Variants in SEZ6L observed in about 807,000 individuals in gnomAD.
SEZ6L encodes seizure 6-like protein.
SEZ6L carries 37 observed loss-of-function variants against 106.2 expected under a neutral mutation model. The ratio of observed to expected loss-of-function variants is 0.35; its 90% CI spans 0.27 to 0.46. The LOEUF is 0.46. SEZ6L is among the 20% of genes least tolerant of loss of function. SEZ6L has a pLI of 1.00. For synonymous variants in SEZ6L, 541 were observed against 570.4 expected (o/e 0.95, Z 0.73); for missense variants, 1,172 against 1,332.8 (o/e 0.88, Z 1.88).
chr22:26,320,751 G>A (rs1382203305), intron 9 of SEZ6L, among the ~76,000 whole-genome samples: 1 of 152,170 alleles, frequency 6.6e-6, no homozygotes, highest in East Asian at 1.9e-4. Flanking sequence ...GAACAGTAAA[G>A]TCTAAGTCAG....
chr22:26,379,754 G>A (rs2084353880), intron 16 of SEZ6L, among the ~76,000 whole-genome samples: 1 of 152,214 alleles, frequency 6.6e-6, no homozygotes, highest in Non-Finnish European at 1.5e-5. Context: ...TGAAATAAAG[G>A]AGAATTTTAG....
intron 1 of SEZ6L, among the ~76,000 whole-genome samples, chr22:26,272,311 AT>A (rs1489437018): frequency 6.6e-6 from 1 of 152,254 alleles, no homozygotes; most frequent in African/African-American, 2.4e-5. Context: ...GTTACATTCA[AT>A]AAAAGTTTAT....
chr22:26,209,495 ATGG>A (rs2078081647), intron 1 of SEZ6L, among the ~76,000 whole-genome samples: 4 of 137,228 alleles, frequency 2.9e-5, no homozygotes, highest in Admixed American at 7.5e-5. Context: ...GGATGGATGG[ATGG>A]ATGGCAGGGA....
chr22:26,292,334 C>T (rs2081153448), intron 1 of SEZ6L, 72 bp from the exon 2 acceptor site: 2 of 1,287,698 alleles, frequency 1.6e-6, no homozygotes, highest in Non-Finnish European at 1.1e-6. Flanking sequence ...GGAGGGCCAC[C>T]CTCAGAGTCT....
intron 1 of SEZ6L, among the ~76,000 whole-genome samples, chr22:26,235,141 T>C (rs551523098): frequency 7.2e-5 from 11 of 152,284 alleles, no homozygotes; most frequent in Admixed American, 5.9e-4. Context: ...CTCTCAAATT[T>C]GGCACTATTG....
chr22:26,304,560 G>A (rs986894809), intron 5 of SEZ6L, among the ~76,000 whole-genome samples: 2 of 152,122 alleles, frequency 1.3e-5, no homozygotes, highest in African/African-American at 4.8e-5. Flanking sequence ...ACTGGAAAGT[G>A]TTCTTTCCAG....
chr22:26,380,174 T>C, intron 16 of SEZ6L, 92 bp from the exon 17 acceptor site: 1 of 1,230,278 alleles, frequency 8.1e-7, no homozygotes, highest in Admixed American at 1.8e-5. Flanking sequence ...ACCAAGGGCA[T>C]GGACATACAG....
At chr22:26,304,799 A>G (rs1422549488) in intron 5 of SEZ6L, among the ~76,000 whole-genome samples, 1 of 152,152 alleles carries the variant, frequency 6.6e-6, no homozygotes, top group Non-Finnish European at 1.5e-5. Flanking sequence ...ATCTTCCTAT[A>G]TGCTGAAGTA....
At chr22:26,250,283 A>G (rs1169849203) in intron 1 of SEZ6L, among the ~76,000 whole-genome samples, 3 of 152,148 alleles carry the variant, frequency 2.0e-5, no homozygotes, top group East Asian at 3.8e-4. Context: ...TTCATCTAGT[A>G]GATTCATAGT....
chr22:26,320,754 T>G (rs951214986), intron 9 of SEZ6L, among the ~76,000 whole-genome samples: 1 of 152,126 alleles, frequency 6.6e-6, no homozygotes, highest in African/African-American at 2.4e-5. Flanking sequence ...CAGTAAAGTC[T>G]AAGTCAGTTT....
At chr22:26,365,616 G>A (rs2083782616) in intron 13 of SEZ6L, 50 bp downstream of exon 13, 2 of 1,522,570 alleles carry the variant, frequency 1.3e-6, no homozygotes, top group Non-Finnish European at 1.8e-6. Context: ...GGAGATGTCA[G>A]GCTCCTGGCT....
intron 1 of SEZ6L, among the ~76,000 whole-genome samples, chr22:26,272,314 A>G (rs773692613): frequency 1.3e-5 from 2 of 152,266 alleles, no homozygotes; most frequent in Non-Finnish European, 2.9e-5. Flanking sequence ...ACATTCAATA[A>G]AAGTTTATGA....
At chr22:26,211,804 T>TAAAAAAAAAAA in intron 1 of SEZ6L, among the ~76,000 whole-genome samples, 1 of 48,082 alleles carries the variant, frequency 2.1e-5, no homozygotes, top group South Asian at 1.1e-3. Flanking sequence ...ACCTCGTCTC[T>TAAAAAAAAAAA]AAAAAAAAAA....
At chr22:26,348,646 A>AAGAGAAAGAAAGAAAGAAAGAAAG (rs1556371589) in intron 11 of SEZ6L, among the ~76,000 whole-genome samples, 1 of 7,696 alleles carries the variant, frequency 1.3e-4, no homozygotes, top group African/African-American at 7.9e-4. Context: ...GAAAGAAAGA[A>AAGAGAAAGAAAGAAAGAAAGAAAG]AAAGAAAGAA....
intron 1 of SEZ6L, among the ~76,000 whole-genome samples, chr22:26,202,754 CCT>C (rs761516192): frequency 2.0e-5 from 3 of 152,130 alleles, no homozygotes; most frequent in Non-Finnish European, 4.4e-5. Context: ...ATAGAGGAAA[CCT>C]TTAGAAGAAT....
At chr22:26,333,358 C>T (rs1299212304) in intron 9 of SEZ6L, among the ~76,000 whole-genome samples, 1 of 152,178 alleles carries the variant, frequency 6.6e-6, no homozygotes, top group Non-Finnish European at 1.5e-5. Flanking sequence ...AACAAGAAGC[C>T]CTAGAGGCAG....
chr22:26,360,991 G>A (rs946419609), intron 12 of SEZ6L, among the ~76,000 whole-genome samples: 2 of 152,138 alleles, frequency 1.3e-5, no homozygotes, highest in East Asian at 1.9e-4. Flanking sequence ...TGCACTTCCC[G>A]AGGAGTAGGA....
intron 12 of SEZ6L, among the ~76,000 whole-genome samples, chr22:26,355,848 A>C (rs921718597): frequency 6.6e-6 from 1 of 152,226 alleles, no homozygotes; most frequent in Admixed American, 6.5e-5. Flanking sequence ...TGAAAGCCAT[A>C]TCTTTTTAAT....
At chr22:26,224,530 T>A (rs1463551310) in intron 1 of SEZ6L, among the ~76,000 whole-genome samples, 1 of 152,112 alleles carries the variant, frequency 6.6e-6, no homozygotes, top group Non-Finnish European at 1.5e-5. Flanking sequence ...AGTGGCTTCA[T>A]AGGATTGTGT....
Sources: allele counts gnomAD v4.1 joint callset (sites outside exome capture counted in the v4.1 genomes callset), GRCh38; gene constraint gnomAD v4.1.1; transcripts MANE v1.5; gene names NCBI Gene and HGNC (gene_info 2026-07-23, HGNC 2026-07-21).